RABL3: variants seen among roughly 807,000 people sequenced by gnomAD.
RABL3 encodes rab-like protein 3.
RABL3 carries 31 observed loss-of-function variants against 31.8 expected under a neutral mutation model. That is an observed-to-expected ratio of 0.97 (90% CI 0.73 to 1.31). The LOEUF is 1.31. Ranked by LOEUF, RABL3 falls within the 40% of genes most tolerant of loss-of-function variation. The probability of loss-of-function intolerance (pLI) is 0.00; values close to 1 mark genes in which losing one functional copy is unlikely to be tolerated. For missense variants in RABL3, 263 were observed against 279.6 expected (o/e 0.94, Z 0.42); for synonymous variants, 97 against 99.9 (o/e 0.97, Z 0.18).
intron 4 of RABL3, among the ~76,000 whole-genome samples, chr3:120,700,857 T>C (rs1708484638): frequency 1.3e-5 from 2 of 152,112 alleles, no homozygotes; most frequent in Non-Finnish European, 2.9e-5. Context: ...CCATTCTTTG[T>C]ATTTACATAT....
At chr3:120,714,725 T>C (rs769896010) in intron 2 of RABL3, among the ~76,000 whole-genome samples, 24 of 152,188 alleles carry the variant, frequency 1.6e-4, no homozygotes, top group South Asian at 6.2e-4. Flanking sequence ...CCTGTCTCAG[T>C]CCTTATATTG....
At chr3:120,722,773 G>C (rs1708763147) in intron 2 of RABL3, 2 of 152,228 alleles carry the variant, frequency 1.3e-5, no homozygotes, top group South Asian at 4.2e-4. Context: ...CAACATACCA[G>C]AATCTCTGGG....
At chr3:120,737,507 A>G (rs1351915344) in intron 1 of RABL3, among the ~76,000 whole-genome samples, 1 of 152,142 alleles carries the variant, frequency 6.6e-6, no homozygotes, top group East Asian at 1.9e-4. Flanking sequence ...TCATCTGAAG[A>G]CTTCTTCTCT....
Position 120,685,578 on chromosome 3 carries a change from T to C in RABL3, c.*4245A>G, listed in dbSNP as rs972793397. 6.6e-6 allele frequency among the ~76,000 whole-genome samples: 1 copy of C among 152,326 alleles called. No homozygotes were observed. Among genetic ancestry groups the C allele is most frequent in the Non-Finnish European group, 1.5e-5 (1 of 68,024 alleles). ...AATACATGAAAGACAAATACTTGTT[T>C]TGCCAACAGAAGACATGACAATCAT... On this transcript the variant is annotated 3_prime_UTR_variant, in exon 8 of 8. Coordinates refer to ENST00000273375, the MANE Select transcript of RABL3 (RefSeq NM_173825.5).
At chr3:120,691,005 A>G (rs923175833) in intron 6 of RABL3, among the ~76,000 whole-genome samples, 1 of 152,114 alleles carries the variant, frequency 6.6e-6, no homozygotes, top group Non-Finnish European at 1.5e-5. Context: ...CAGTCTAATG[A>G]CTGTTGTAAA....
intron 1 of RABL3, among the ~76,000 whole-genome samples, chr3:120,739,940 C>A (rs1212878492): frequency 6.6e-6 from 1 of 152,060 alleles, no homozygotes; most frequent in Non-Finnish European, 1.5e-5. Context: ...GGGATGAAAC[C>A]CTAAACAGTA....
intron 6 of RABL3, among the ~76,000 whole-genome samples, chr3:120,691,956 T>C (rs933407305): frequency 2.6e-5 from 4 of 152,184 alleles, no homozygotes; most frequent in Non-Finnish European, 5.9e-5. Context: ...TTGGAGACTA[T>C]AGCTGGATTA....
intron 2 of RABL3, among the ~76,000 whole-genome samples, chr3:120,719,678 G>C (rs954955835): frequency 2.0e-5 from 3 of 152,358 alleles, no homozygotes; most frequent in East Asian, 1.9e-4. Context: ...GCCAAGGCTT[G>C]AGTAGGTAAA....
chr3:120,685,924 A>T lies in RABL3; in HGVS notation c.*3899T>A, dbSNP rs1226702754. Reference sequence around the variant, plus strand: ...AATCGTGGAATCTGCATTTTCAGCAAGCACTTCAGGGGATTCTTACACACT... The same window carrying T: ...AATCGTGGAATCTGCATTTTCAGCATGCACTTCAGGGGATTCTTACACACT... On this transcript the variant is annotated 3_prime_UTR_variant, in exon 8 of 8. Transcript: ENST00000273375. 2.0e-5 allele frequency among the ~76,000 whole-genome samples: 3 copies of T among 152,234 alleles called. No homozygotes were observed. Among genetic ancestry groups the T allele is most frequent in the Non-Finnish European group, 4.4e-5 (3 of 68,048 alleles).
In RABL3 at chr3:120,696,526, C is replaced by T. The variant is rs539889642; in HGVS notation, c.534+1897G>A. On this transcript the variant is annotated intron_variant, in intron 5 of 7. Transcript: ENST00000273375. Reference sequence around the variant, plus strand: ...GACTGTATGTGCTAAAGTCTCACTACCTGAGTACCTTTACATCTGACTCAC... The same window carrying T: ...GACTGTATGTGCTAAAGTCTCACTATCTGAGTACCTTTACATCTGACTCAC... 1.5e-4 allele frequency among the ~76,000 whole-genome samples: 22 copies of T among 151,626 alleles called. No individual in the cohort carries two copies. In the East Asian group the frequency reaches 4.1e-3, roughly 28 times the overall value.
At chr3:120,701,866 C>G (rs879150186) in intron 4 of RABL3, among the ~76,000 whole-genome samples, 2 of 152,100 alleles carry the variant, frequency 1.3e-5, no homozygotes, top group Admixed American at 1.3e-4. Flanking sequence ...CCAGTGAATG[C>G]AACTATAAAA....
intron 1 of RABL3, among the ~76,000 whole-genome samples, chr3:120,732,601 A>G (rs1331371510): frequency 2.0e-5 from 3 of 152,008 alleles, no homozygotes; most frequent in Admixed American, 6.6e-5. Flanking sequence ...TCTAGGGTAC[A>G]TGTGCACAAT....
intron 1 of RABL3, among the ~76,000 whole-genome samples, chr3:120,736,139 T>C (rs1273411859): frequency 6.6e-6 from 1 of 152,142 alleles, no homozygotes; most frequent in East Asian, 1.9e-4. Context: ...ATGTTGACAG[T>C]GGGGTGTTAA....
intron 4 of RABL3, among the ~76,000 whole-genome samples, chr3:120,702,434 G>A (rs544278619): frequency 2.0e-5 from 3 of 152,256 alleles, no homozygotes; most frequent in African/African-American, 4.8e-5. Flanking sequence ...CTGACAGGAG[G>A]TGGAGCTCAG....
At chr3:120,726,315 T>C (rs1178726238) in intron 2 of RABL3, among the ~76,000 whole-genome samples, 1 of 152,206 alleles carries the variant, frequency 6.6e-6, no homozygotes, top group African/African-American at 2.4e-5. Flanking sequence ...GTTTGCTATC[T>C]GTGCTTTTAT....
intron 2 of RABL3, among the ~76,000 whole-genome samples, chr3:120,720,785 C>T (rs542784524): frequency 6.6e-6 from 1 of 152,310 alleles, no homozygotes; most frequent in African/African-American, 2.4e-5. Flanking sequence ...AGGAGAACTT[C>T]CCCAATCTAG....
intron 3 of RABL3, among the ~76,000 whole-genome samples, chr3:120,707,120 G>A (rs1043263840): frequency 3.3e-5 from 5 of 152,166 alleles, no homozygotes; most frequent in African/African-American, 9.7e-5. Flanking sequence ...GAGGTGGTAT[G>A]TGTCAATTTG....
Position 120,714,145 on chromosome 3 carries a change from T to G in RABL3, c.139-4236A>C, listed in dbSNP as rs1314753400. On this transcript the variant is annotated intron_variant, in intron 2 of 7. Transcript: ENST00000273375. ...AACTTTTAAAATGCAGAAACATATT[T>G]AGAAAAAAAATGATACACATCAAGA... Among the ~76,000 whole-genome samples the G allele has an allele frequency of 9.2e-5, 14 of 152,188 alleles. No homozygotes were observed. In the East Asian group the frequency reaches 2.7e-3, roughly 29 times the overall value.
intron 1 of RABL3, among the ~76,000 whole-genome samples, chr3:120,739,525 TA>T (rs1278926285): frequency 6.6e-6 from 1 of 152,184 alleles, no homozygotes; most frequent in Non-Finnish European, 1.5e-5. Context: ...TCTGTACCTT[TA>T]TCTACCAGGT....
Sources: gnomAD v4.1 joint callset for allele counts (sites outside exome capture counted in the v4.1 genomes callset) on GRCh38, gnomAD v4.1.1 for gene constraint, MANE v1.5 for transcripts, NCBI Gene and HGNC (gene_info 2026-07-23, HGNC 2026-07-21) for gene names.